The following TASP1 variants were observed in gnomAD, a reference collection of about 807,000 sequenced individuals.
The protein encoded by TASP1 is taspase 1.
Under a neutral mutation model 56.6 loss-of-function variants are expected in TASP1, and 16 were observed. The ratio of observed to expected loss-of-function variants is 0.28; its 90% CI spans 0.19 to 0.43. TASP1 has a LOEUF of 0.43. Among genes scored for constraint, TASP1 ranks in the 20% least tolerant of loss-of-function variants. The probability of loss-of-function intolerance (pLI) is 1.00; values close to 1 mark genes in which losing one functional copy is unlikely to be tolerated. For missense variants in TASP1, 393 were observed against 511.6 expected (o/e 0.77, Z 2.24); for synonymous variants, 179 against 184.2 (o/e 0.97, Z 0.23).
the TASP1 span, among the ~76,000 whole-genome samples, chr20:13,213,929 G>A: frequency 3.3e-5 from 5 of 152,160 alleles, no homozygotes; most frequent in Admixed American, 3.3e-4. Flanking sequence ...TTCAAAGAAT[G>A]TTAATGGCAC....
chr20:13,367,945 G>A, the TASP1 span, among the ~76,000 whole-genome samples: 1 of 152,086 alleles, frequency 6.6e-6, no homozygotes, highest in Admixed American at 6.6e-5. Flanking sequence ...CTATTTTATG[G>A]GGTCCTGCAT....
rs371669423 is a variant in TASP1, at chr20:13,476,725, G to C, written c.985+6502C>G. Among the ~76,000 whole-genome samples, 8 of 151,954 alleles carry C rather than the reference G, an allele frequency of 5.3e-5. No homozygotes were observed. In the East Asian group the frequency reaches 7.7e-4, roughly 15 times the overall value. The stretch of plus-strand genomic sequence containing the variant: ...TAAAATTCTGAAAATATAAAGCCTA[G>C]AGCCCAAGAATTAGTGGCAAATATT... On this transcript the variant is annotated intron_variant, in intron 11 of 13. Coordinates refer to ENST00000337743, the MANE Select transcript of TASP1 (RefSeq NM_017714.3).
chr20:13,139,064 T>C, the TASP1 span, among the ~76,000 whole-genome samples: 1 of 152,184 alleles, frequency 6.6e-6, no homozygotes, highest in Admixed American at 6.5e-5. Context: ...GGTAGCGTGA[T>C]TCTTAAGCAT....
intron 8 of TASP1, among the ~76,000 whole-genome samples, chr20:13,557,512 T>C (rs1023797089): frequency 1.3e-5 from 2 of 151,822 alleles, no homozygotes; most frequent in South Asian, 2.1e-4. Flanking sequence ...CATGGGCATA[T>C]ATGTTTATAA....
chr20:13,275,451 C>T, the TASP1 span, among the ~76,000 whole-genome samples: 1 of 152,196 alleles, frequency 6.6e-6, no homozygotes, highest in Admixed American at 6.5e-5. Flanking sequence ...AGAGACAAGC[C>T]TGTTCGGCTC....
chr20:13,171,578 A>T, the TASP1 span, among the ~76,000 whole-genome samples: 1 of 152,224 alleles, frequency 6.6e-6, no homozygotes, highest in Admixed American at 6.5e-5. Context: ...AAAATATTTT[A>T]TTAAAGTGGG....
chr20:13,609,620 G>A (rs6042243), intron 4 of TASP1, among the ~76,000 whole-genome samples: 4,328 of 150,904 alleles, frequency 0.029, 214 homozygotes, highest in African/African-American at 0.096. Flanking sequence ...CCTGGGAGGC[G>A]GAGGTTGCAG....
chr20:13,354,760 G>A, the TASP1 span, among the ~76,000 whole-genome samples: 4 of 152,018 alleles, frequency 2.6e-5, no homozygotes, highest in African/African-American at 9.7e-5. Flanking sequence ...CCTAAAGACC[G>A]CATCAAAACA....
In TASP1 at chr20:13,417,491, C is replaced by A; in HGVS notation, c.1127G>T (p.Ser376Ile). The change falls in exon 13 of 14, where the codon AGC (serine) becomes ATC (isoleucine). Residue 376 changes from serine (S) to isoleucine (I), a missense_variant. By Grantham distance (142) the Ser-to-Ile change is moderately radical. Around this residue, in one of 3 missense-constraint regions of TASP1, gnomAD observed 293 missense variants for 354.2 expected, o/e 0.83. Transcript: ENST00000337743. ...GGCTGACATATATCCGACACACATG[C>A]TCTCCGTCGTGTGGCTCCACAGAAA... is the stretch of plus-strand genomic sequence containing the variant. ...VEFLWSHTTE[S>I]MCVGYMSAQD... 2 of 1,614,150 alleles carry A rather than the reference C, an allele frequency of 1.2e-6. No homozygotes were observed. The highest frequency in any genetic ancestry group is 1.7e-6 in the Non-Finnish European group (2 of 1,180,006).
At chr20:13,410,462 C>A (rs983794105) in intron 13 of TASP1, among the ~76,000 whole-genome samples, 4 of 152,068 alleles carry the variant, frequency 2.6e-5, no homozygotes, top group Non-Finnish European at 1.5e-5. Context: ...GTATGAGTTT[C>A]GTTTTTTCTG....
chr20:13,437,052 C>CA (rs1388225943), intron 11 of TASP1, among the ~76,000 whole-genome samples: 1 of 151,766 alleles, frequency 6.6e-6, no homozygotes, highest in African/African-American at 2.4e-5. Flanking sequence ...AGAGACACAA[C>CA]AAAAAAAGAG....
chr20:13,528,239 A>G (rs971657597), intron 10 of TASP1, among the ~76,000 whole-genome samples, 194 bp downstream of exon 10: 7 of 150,960 alleles, frequency 4.6e-5, no homozygotes, highest in Admixed American at 2.0e-4. Flanking sequence ...AAAAAAAAAA[A>G]AAAAAGAAAA....
chr20:13,422,282 C>T (rs2042468597), intron 12 of TASP1, among the ~76,000 whole-genome samples: 1 of 152,084 alleles, frequency 6.6e-6, no homozygotes, highest in Non-Finnish European at 1.5e-5. Context: ...AAACACTAGC[C>T]AAGAAGGGTT....
the TASP1 span, among the ~76,000 whole-genome samples, chr20:13,257,812 G>A: frequency 6.6e-6 from 1 of 152,114 alleles, no homozygotes; most frequent in South Asian, 2.1e-4. Context: ...GTGTTCTTGA[G>A]CCAGTCCTCT....
the TASP1 span, among the ~76,000 whole-genome samples, chr20:13,371,716 C>T: frequency 1.3e-5 from 2 of 152,058 alleles, no homozygotes; most frequent in African/African-American, 2.4e-5. Context: ...TCTTATGCCT[C>T]ATTATTCTAT....
the TASP1 span, among the ~76,000 whole-genome samples, chr20:13,359,245 G>A: frequency 3.4e-5 from 5 of 148,046 alleles, no homozygotes; most frequent in South Asian, 4.2e-4. Context: ...TACACGTGCC[G>A]GAAATCTGGC....
intron 13 of TASP1, among the ~76,000 whole-genome samples, chr20:13,405,002 C>G (rs2041866330): frequency 6.6e-6 from 1 of 152,158 alleles, no homozygotes; most frequent in African/African-American, 2.4e-5. Context: ...CTTATTTAGT[C>G]AGTTATACCC....
chr20:13,514,394 G>C (rs756462184), intron 10 of TASP1, among the ~76,000 whole-genome samples: 1 of 152,114 alleles, frequency 6.6e-6, no homozygotes, highest in Non-Finnish European at 1.5e-5. Flanking sequence ...CGACTAACAG[G>C]AAATGCAATG....
chr20:13,409,115 C>T (rs950662195), intron 13 of TASP1, among the ~76,000 whole-genome samples: 1 of 151,954 alleles, frequency 6.6e-6, no homozygotes, highest in Non-Finnish European at 1.5e-5. Context: ...GTTTTAATTG[C>T]ATCCTATAAA....
Sources: gnomAD v4.1 joint callset for allele counts (sites outside exome capture counted in the v4.1 genomes callset) on GRCh38, gnomAD v4.1.1 for gene constraint, gnomAD v4.1.1 regional missense constraint, MANE v1.5 for transcripts, NCBI Gene and HGNC (gene_info 2026-07-23, HGNC 2026-07-21) for gene names.